Variants in MALRD1 observed in about 807,000 individuals in gnomAD.
The protein encoded by MALRD1 is MAM and LDL receptor class A domain containing 1, also known as MAM and LDL-receptor class A domain-containing protein 1.
In MALRD1, 247 loss-of-function variants were observed where a neutral mutation model predicts 242.1. The observed-to-expected ratio is 1.02, with a 90% CI of 0.92 to 1.13. The LOEUF (loss-of-function observed/expected upper bound fraction) is 1.13, where lower values mean the gene tolerates loss of function less well. Among genes scored for constraint, MALRD1 ranks in the 50% most tolerant of loss-of-function variants. The pLI is 0.00. For synonymous variants in MALRD1, 995 were observed against 866.6 expected (o/e 1.15, Z -2.60); for missense variants, 2,989 against 2,533.1 (o/e 1.18, Z -3.86).
At chr10:19,337,770 G>C (rs1843674074) in intron 24 of MALRD1, among the ~76,000 whole-genome samples, 1 of 151,956 alleles carries the variant, frequency 6.6e-6, no homozygotes, top group Non-Finnish European at 1.5e-5. Flanking sequence ...TGAGTAGAAA[G>C]TACAGTTATC....
At chr10:19,290,789 C>G (rs1841380402) in intron 21 of MALRD1, among the ~76,000 whole-genome samples, 1 of 152,046 alleles carries the variant, frequency 6.6e-6, no homozygotes, top group South Asian at 2.1e-4. Context: ...CTTGGATCAC[C>G]TAGAATCTGA....
chr10:19,508,995 A>G (rs1833274355), intron 31 of MALRD1, among the ~76,000 whole-genome samples: 1 of 152,200 alleles, frequency 6.6e-6, no homozygotes, highest in Non-Finnish European at 1.5e-5. Context: ...TTGACATCCA[A>G]TCCACTTTAA....
intron 14 of MALRD1, among the ~76,000 whole-genome samples, chr10:19,185,514 T>C (rs1041920874): frequency 3.3e-5 from 5 of 152,206 alleles, no homozygotes; most frequent in Non-Finnish European, 7.4e-5. Flanking sequence ...ATTTATTATT[T>C]ATTTATTTAT....
intron 31 of MALRD1, among the ~76,000 whole-genome samples, chr10:19,509,940 A>T (rs1833318795): frequency 1.6e-5 from 2 of 124,178 alleles, no homozygotes; most frequent in Admixed American, 1.6e-4. Flanking sequence ...CGCTCAGCAT[A>T]CAGAGGATCC....
chr10:19,553,898 A>C (rs1035589523), intron 32 of MALRD1, among the ~76,000 whole-genome samples: 2 of 152,176 alleles, frequency 1.3e-5, no homozygotes, highest in Non-Finnish European at 2.9e-5. Context: ...GGTCCTTTCT[A>C]ACTCTAAAGT....
chr10:19,053,054 G>A (rs1834557509), intron 1 of MALRD1, among the ~76,000 whole-genome samples: 1 of 152,136 alleles, frequency 6.6e-6, no homozygotes, highest in Non-Finnish European at 1.5e-5. Flanking sequence ...CACCAGCCTG[G>A]TAAATGAAGA....
At chr10:19,452,487 T>A (rs1421248280) in intron 29 of MALRD1, among the ~76,000 whole-genome samples, 1 of 152,228 alleles carries the variant, frequency 6.6e-6, no homozygotes, top group Non-Finnish European at 1.5e-5. Context: ...TATAGTTGAA[T>A]ATAGTAAATT....
At chr10:19,482,690 C>CACACACACACACAT (rs1267584805) in intron 29 of MALRD1, among the ~76,000 whole-genome samples, 3 of 148,306 alleles carry the variant, frequency 2.0e-5, no homozygotes, top group Non-Finnish European at 4.5e-5. Flanking sequence ...CACACACACA[C>CACACACACACACAT]ATACACACAA....
chr10:19,447,536 C>T (rs527375405), intron 28 of MALRD1, among the ~76,000 whole-genome samples: 64 of 152,110 alleles, frequency 4.2e-4, no homozygotes, highest in African/African-American at 1.1e-3. Context: ...AGAAATGATT[C>T]GCATTTTTTG....
chr10:19,393,611 A>AT (rs1161632225), intron 28 of MALRD1, among the ~76,000 whole-genome samples: 2 of 131,898 alleles, frequency 1.5e-5, no homozygotes, highest in African/African-American at 5.4e-5. Context: ...ACGCCTGGCT[A>AT]ATTTTTTTTT....
chr10:19,420,489 A>T (rs1198582416), intron 28 of MALRD1, among the ~76,000 whole-genome samples: 1 of 152,166 alleles, frequency 6.6e-6, no homozygotes, highest in Non-Finnish European at 1.5e-5. Flanking sequence ...TGGAATCACT[A>T]TTCCCTACAT....
At chr10:19,102,421 T>C (rs1419709681) in intron 4 of MALRD1, among the ~76,000 whole-genome samples, 1 of 152,100 alleles carries the variant, frequency 6.6e-6, no homozygotes, top group East Asian at 1.9e-4. Flanking sequence ...TTGTGGATGT[T>C]TCTCAGTGGA....
At chr10:19,116,181 TCA>T (rs1392744036) in intron 5 of MALRD1, among the ~76,000 whole-genome samples, 1 of 152,212 alleles carries the variant, frequency 6.6e-6, no homozygotes, top group Non-Finnish European at 1.5e-5. Flanking sequence ...ACATGTTTAA[TCA>T]CTGATTCTTG....
intron 18 of MALRD1, among the ~76,000 whole-genome samples, chr10:19,235,207 G>T (rs57570174): frequency 0.011 from 1,615 of 152,154 alleles, 35 homozygotes; most frequent in African/African-American, 0.036. Context: ...CTGTAAGGGG[G>T]ACACGTTTGA....
chr10:19,449,463 A>G (rs1395877135), intron 28 of MALRD1, among the ~76,000 whole-genome samples: 5 of 152,228 alleles, frequency 3.3e-5, no homozygotes, highest in Non-Finnish European at 2.9e-5. Context: ...ATTCCAAAAT[A>G]CGTGTGTTGC....
chr10:19,667,587 C>G (rs940243073), intron 36 of MALRD1, among the ~76,000 whole-genome samples: 1 of 150,882 alleles, frequency 6.6e-6, no homozygotes, highest in East Asian at 2.0e-4. Context: ...TGTGGCACCT[C>G]CCTGCCACTC....
intron 38 of MALRD1, among the ~76,000 whole-genome samples, chr10:19,719,173 T>TATATATATATAC (rs1564567094): frequency 9.4e-6 from 1 of 106,734 alleles, no homozygotes; most frequent in African/African-American, 4.0e-5. Flanking sequence ...TATATATACA[T>TATATATATATAC]ACATATATAT....
rs1190279174 is a variant in MALRD1 at position 19,123,591 on chromosome 10, G to A, written c.794G>A (p.Arg265Lys). 5.7e-6 allele frequency: 7 copies of A among 1,230,040 alleles called. No individual in the cohort carries two copies. Among genetic ancestry groups the A allele is most frequent in the African/African-American group, 1.6e-5 (1 of 64,512 alleles). The allele number at this position is 1,230,040 out of a possible 1,614,324, so 76.2% of individuals were successfully genotyped here. A position where few individuals can be genotyped will look rare whatever the true frequency, so the allele number is the denominator to read the frequency against. Residue 265 changes from arginine to lysine, a missense_variant and splice_region_variant, in exon 6 of 40, where the codon AGA (arginine) becomes AAA (lysine). Arg to Lys is a conservative substitution (Grantham distance 26). Transcript: ENST00000454679. The stretch of plus-strand genomic sequence containing the variant: ...TTTGATGCTACAGATGAAGAGTTGA[G>A]ATGTAAGTGTTAAATTGAGATATTC... Reference protein sequence around the residue: ...CRFDATDEELRLCQACGFEFD... With the variant: ...CRFDATDEELKLCQACGFEFD...
intron 29 of MALRD1, among the ~76,000 whole-genome samples, chr10:19,487,842 T>C (rs893940743): frequency 2.0e-5 from 3 of 152,206 alleles, no homozygotes; most frequent in Non-Finnish European, 4.4e-5. Flanking sequence ...GTCTTCATAT[T>C]TGTATATACC....
Sources: allele counts gnomAD v4.1 joint callset (sites outside exome capture counted in the v4.1 genomes callset), GRCh38; gene constraint gnomAD v4.1.1; transcripts MANE v1.5; gene names NCBI Gene and HGNC (gene_info 2026-07-23, HGNC 2026-07-21).